PXDNL: variants seen among roughly 807,000 people sequenced by gnomAD.
PXDNL encodes the protein probable oxidoreductase PXDNL.
A neutral mutation model predicts 150.8 loss-of-function variants in PXDNL; 145 were observed. That is an observed-to-expected ratio of 0.96 (90% CI 0.84 to 1.10). PXDNL has a LOEUF of 1.10. Among genes scored for constraint, PXDNL ranks in the 50% least tolerant of loss-of-function variants. The pLI is 0.00. For synonymous variants in PXDNL, 757 were observed against 725.7 expected (o/e 1.04, Z -0.69); for missense variants, 2,087 against 1,873.9 (o/e 1.11, Z -2.10).
At position 51,408,718 on chromosome 8, in the gene PXDNL, G is replaced by A; in HGVS notation, c.2906C>T (p.Ala969Val). ...TTCCCGGAACCACAGGGTGTGCATG[G>A]CGGCCAGAGCCAGATGCTCGTTGGC... ...HRANEHLALA[A>V]MHTLWFREHN... Residue 969 changes from alanine (A) to valine (V), a missense_variant, in exon 17 of 23, where the codon GCC (alanine) becomes GTC (valine). By Grantham distance (64) the Ala-to-Val change is moderately conservative. Transcript: ENST00000356297. 1.3e-6 allele frequency: 2 copies of A among 1,592,130 alleles called. No individual in the cohort carries two copies. Among genetic ancestry groups the A allele is most frequent in the Non-Finnish European group, 1.7e-6 (2 of 1,169,116 alleles).
At chr8:51,332,962 C>T (rs113060800) in intron 21 of PXDNL, among the ~76,000 whole-genome samples, 4,570 of 152,204 alleles carry the variant, frequency 0.03, 213 homozygotes, top group African/African-American at 0.1. Context: ...GAGACCTAGA[C>T]GTGCAAATAC....
intron 3 of PXDNL, among the ~76,000 whole-genome samples, chr8:51,581,257 C>T (rs1585596379): frequency 6.6e-6 from 1 of 151,986 alleles, no homozygotes; most frequent in African/African-American, 2.4e-5. Flanking sequence ...GAGGCCAAGA[C>T]GGGCAGATTG....
intron 21 of PXDNL, among the ~76,000 whole-genome samples, chr8:51,324,143 T>A (rs1216082672): frequency 6.6e-6 from 1 of 152,226 alleles, no homozygotes; most frequent in Non-Finnish European, 1.5e-5. Context: ...TGTTGTATCC[T>A]GTAACCTTGC....
At chr8:51,592,566 A>C in intron 3 of PXDNL, 61 bp downstream of exon 3, 2 of 1,147,926 alleles carry the variant, frequency 1.7e-6, no homozygotes, top group Non-Finnish European at 2.5e-6. Context: ...AAACACACAC[A>C]AAAAAGGCAA....
chr8:51,761,779 A>G (rs1458928137), intron 1 of PXDNL, among the ~76,000 whole-genome samples: 1 of 152,252 alleles, frequency 6.6e-6, no homozygotes, highest in East Asian at 1.9e-4. Context: ...GAAAAAAATA[A>G]ATATAACAGA....
Position 51,367,310 on chromosome 8 carries a change from A to G in PXDNL, c.3901+4563T>C, listed in dbSNP as rs958199757. 3.9e-5 allele frequency among the ~76,000 whole-genome samples: 6 copies of G among 152,002 alleles called. No individual in the cohort carries two copies. The East Asian group carries it at 1.2e-3, about 29-fold the overall frequency. On this transcript the variant is annotated intron_variant, in intron 19 of 22. Transcript: ENST00000356297. ...ACAATGCACACAGCCAATCCCCAAA[A>G]CCAAAAACCATGGAAAAAGCTGTTT...
rs546863358 is a variant in PXDNL, at chr8:51,562,372, C to G, written c.309-5461G>C. Among the ~76,000 whole-genome samples, 4 of 152,008 alleles carry G rather than the reference C, an allele frequency of 2.6e-5. No homozygotes were observed. The South Asian group carries it at 8.3e-4, about 32-fold the overall frequency. ...AAATTTATTTAGATAACTAAAGATT[C>G]TTTCCCTAATTCCAAAAAATATTAT... is the stretch of plus-strand genomic sequence containing the variant. On this transcript the variant is annotated intron_variant, in intron 3 of 22. Transcript: ENST00000356297.
chr8:51,726,130 G>T (rs1208237595), intron 1 of PXDNL, among the ~76,000 whole-genome samples: 1 of 152,314 alleles, frequency 6.6e-6, no homozygotes, highest in Admixed American at 6.5e-5. Flanking sequence ...TTGATGCCCT[G>T]TGTGTATATC....
intron 2 of PXDNL, among the ~76,000 whole-genome samples, chr8:51,633,090 A>T (rs1253170353): frequency 9.9e-5 from 15 of 151,972 alleles, no homozygotes. Context: ...ATTTGTTCCC[A>T]TATTTATGTC....
At chr8:51,587,648 T>C (rs554849121) in intron 3 of PXDNL, among the ~76,000 whole-genome samples, 1 of 152,316 alleles carries the variant, frequency 6.6e-6, no homozygotes, top group East Asian at 1.9e-4. Flanking sequence ...CTTGTAATCT[T>C]TGGGAAAATG....
At chr8:51,590,293 G>T (rs1813414734) in intron 3 of PXDNL, among the ~76,000 whole-genome samples, 3 of 152,050 alleles carry the variant, frequency 2.0e-5, no homozygotes, top group Admixed American at 2.0e-4. Context: ...GAGAACCCAA[G>T]CAGAAACCTG....
chr8:51,536,222 T>C (rs917711258), intron 4 of PXDNL, among the ~76,000 whole-genome samples: 22 of 152,164 alleles, frequency 1.4e-4, no homozygotes, highest in African/African-American at 4.8e-4. Context: ...TTTATACAGT[T>C]ATAGAGCTTG....
At chr8:51,358,858 C>T (rs1806613877) in intron 19 of PXDNL, among the ~76,000 whole-genome samples, 1 of 152,188 alleles carries the variant, frequency 6.6e-6, no homozygotes, top group African/African-American at 2.4e-5. Context: ...AAAAATGCAG[C>T]ACACAATCCT....
At chr8:51,337,859 C>T (rs1285986019) in intron 21 of PXDNL, among the ~76,000 whole-genome samples, 5 of 142,356 alleles carry the variant, frequency 3.5e-5, no homozygotes, top group South Asian at 2.2e-4. Flanking sequence ...GGCAACAGAG[C>T]GAGACTCCAT....
At chr8:51,636,544 T>A (rs1203571540) in intron 2 of PXDNL, among the ~76,000 whole-genome samples, 1 of 152,162 alleles carries the variant, frequency 6.6e-6, no homozygotes, top group Non-Finnish European at 1.5e-5. Context: ...GTTCTGTACA[T>A]AAGCAATAAA....
intron 3 of PXDNL, among the ~76,000 whole-genome samples, chr8:51,564,955 C>G (rs1223958274): frequency 2.0e-5 from 3 of 151,840 alleles, no homozygotes; most frequent in Non-Finnish European, 4.4e-5. Flanking sequence ...TTACTTCTCC[C>G]TTCCCAATCT....
chr8:51,393,275 C>T (rs1048739576), intron 17 of PXDNL, among the ~76,000 whole-genome samples: 5 of 152,206 alleles, frequency 3.3e-5, no homozygotes, highest in Admixed American at 3.3e-4. Flanking sequence ...AGCATCCAGG[C>T]AGTCTGCTAA....
At chr8:51,678,731 G>A (rs191983262) in intron 1 of PXDNL, among the ~76,000 whole-genome samples, 1 of 151,968 alleles carries the variant, frequency 6.6e-6, no homozygotes, top group African/African-American at 2.4e-5. Context: ...GTGGCGGGGT[G>A]GGGGAGGGAT....
At chr8:51,797,178 A>G (rs1563324005) in intron 1 of PXDNL, among the ~76,000 whole-genome samples, 1 of 152,202 alleles carries the variant, frequency 6.6e-6, no homozygotes, top group African/African-American at 2.4e-5. Context: ...ATACCTCAAA[A>G]TAATAAGAGC....
Sources: allele counts gnomAD v4.1 joint callset (sites outside exome capture counted in the v4.1 genomes callset), GRCh38; gene constraint gnomAD v4.1.1; transcripts MANE v1.5; gene names NCBI Gene and HGNC (gene_info 2026-07-23, HGNC 2026-07-21).